The following VOPP1 variants were observed in gnomAD, a reference collection of about 807,000 sequenced individuals.
The protein encoded by VOPP1 is WW domain binding protein VOPP1.
In VOPP1, 8 loss-of-function variants were observed where a neutral mutation model predicts 23.5. The observed-to-expected ratio is 0.34, with a 90% CI of 0.20 to 0.61. The LOEUF (loss-of-function observed/expected upper bound fraction) is 0.61. VOPP1 is among the 20% of genes least tolerant of loss of function. The probability of loss-of-function intolerance (pLI) is 0.78; values close to 1 mark genes in which losing one functional copy is unlikely to be tolerated. For missense variants in VOPP1, 174 were observed against 238.1 expected (o/e 0.73, Z 1.77); for synonymous variants, 83 against 97.3 (o/e 0.85, Z 0.86).
intron 2 of VOPP1, among the ~76,000 whole-genome samples, chr7:55,504,901 C>T (rs1794609184): frequency 6.6e-6 from 1 of 152,220 alleles, no homozygotes. Context: ...CAGCCAAATC[C>T]TAATAAACCT....
intron 1 of VOPP1, among the ~76,000 whole-genome samples, chr7:55,545,466 A>T (rs1178700047): frequency 1.3e-5 from 2 of 152,194 alleles, no homozygotes; most frequent in Non-Finnish European, 2.9e-5. Context: ...GGAGGGAGGC[A>T]CTCAGAGGCG....
At chr7:55,546,823 A>C (rs1158522393) in intron 1 of VOPP1, among the ~76,000 whole-genome samples, 1 of 152,242 alleles carries the variant, frequency 6.6e-6, no homozygotes, top group Non-Finnish European at 1.5e-5. Context: ...GCAGGCCGAG[A>C]GCTCAGGCCA....
chr7:55,451,651 C>T (rs545402598), intron 4 of VOPP1, among the ~76,000 whole-genome samples: 24 of 152,076 alleles, frequency 1.6e-4, no homozygotes, highest in Admixed American at 3.9e-4. Flanking sequence ...ATCAGCTGGG[C>T]GTGCTGGCGG....
At chr7:55,475,149 C>T (rs1470048124) in intron 4 of VOPP1, among the ~76,000 whole-genome samples, 2 of 152,154 alleles carry the variant, frequency 1.3e-5, no homozygotes, top group African/African-American at 2.4e-5. Flanking sequence ...AGGATGGAAA[C>T]GCTTGCGCAT....
At chr7:55,512,904 C>T (rs776692741) in intron 2 of VOPP1, among the ~76,000 whole-genome samples, 81 of 152,346 alleles carry the variant, frequency 5.3e-4, no homozygotes, top group Admixed American at 1.3e-3. Flanking sequence ...CTGGCACCTG[C>T]GCCCCTAGCA....
chr7:55,476,444 G>C (rs956679371), intron 4 of VOPP1, among the ~76,000 whole-genome samples: 5 of 150,444 alleles, frequency 3.3e-5, no homozygotes, highest in African/African-American at 9.7e-5. Flanking sequence ...GGGTGGGCGG[G>C]GGGGCTGGGC....
At chr7:55,522,111 G>A (rs908675344) in intron 1 of VOPP1, among the ~76,000 whole-genome samples, 19 of 152,168 alleles carry the variant, frequency 1.2e-4, no homozygotes, top group South Asian at 2.1e-4. Context: ...CCCCTCCTCC[G>A]GTGGGAGGGT....
intron 4 of VOPP1, among the ~76,000 whole-genome samples, chr7:55,480,908 G>C (rs1174688651): frequency 6.6e-6 from 1 of 152,102 alleles, no homozygotes; most frequent in Admixed American, 6.5e-5. Context: ...GCAGTTTAGA[G>C]AGACAATGAG....
At chr7:55,570,708 G>A (rs1174856342) in intron 1 of VOPP1, among the ~76,000 whole-genome samples, 2 of 152,134 alleles carry the variant, frequency 1.3e-5, no homozygotes, top group African/African-American at 4.8e-5. Flanking sequence ...TTGGGAGGCC[G>A]AGGCGGGCGG....
intron 1 of VOPP1, 86 bp downstream of exon 1, chr7:55,572,185 C>G: frequency 8.5e-7 from 1 of 1,181,382 alleles, no homozygotes; most frequent in Admixed American, 2.5e-5. Flanking sequence ...AGGCAAGGTC[C>G]TCTGGGGCGC....
intron 1 of VOPP1, among the ~76,000 whole-genome samples, chr7:55,560,668 A>C (rs1041394403): frequency 3.9e-5 from 6 of 152,168 alleles, no homozygotes; most frequent in African/African-American, 9.7e-5. Flanking sequence ...GATCGGTTTA[A>C]GCCACCAAGT....
chr7:55,488,163 T>A (rs1793285967), intron 4 of VOPP1, among the ~76,000 whole-genome samples: 1 of 152,214 alleles, frequency 6.6e-6, no homozygotes, highest in South Asian at 2.1e-4. Context: ...TGCTGCTGCA[T>A]CTTGGCTGAC....
intron 4 of VOPP1, among the ~76,000 whole-genome samples, 196 bp from the exon 5 acceptor site, chr7:55,473,241 G>A (rs1275513647): frequency 6.6e-6 from 1 of 152,194 alleles, no homozygotes; most frequent in East Asian, 1.9e-4. Flanking sequence ...TGCCCTCTCG[G>A]GGCTTTGATT....
intron 1 of VOPP1, among the ~76,000 whole-genome samples, chr7:55,557,854 C>T (rs1372773055): frequency 6.6e-6 from 1 of 152,046 alleles, no homozygotes; most frequent in African/African-American, 2.4e-5. Flanking sequence ...AACTCAGGCC[C>T]GGGGCCTCCA....
chr7:55,495,202 G>A (rs974887441), intron 3 of VOPP1, among the ~76,000 whole-genome samples: 3 of 152,040 alleles, frequency 2.0e-5, no homozygotes, highest in Middle Eastern at 3.4e-3. Context: ...GTTCTCACTC[G>A]GGCCCACTGT....
At chr7:55,523,462 C>G (rs923202218) in intron 1 of VOPP1, among the ~76,000 whole-genome samples, 2 of 151,946 alleles carry the variant, frequency 1.3e-5, no homozygotes, top group African/African-American at 2.4e-5. Flanking sequence ...CTTGTCATAC[C>G]CAACTAACAG....
intron 2 of VOPP1, among the ~76,000 whole-genome samples, chr7:55,507,213 G>A (rs117285870): frequency 6.6e-6 from 1 of 152,186 alleles, no homozygotes; most frequent in Non-Finnish European, 1.5e-5. Context: ...GCTCACGTCA[G>A]AACTGTCCAG....
chr7:55,548,861 C>T (rs1352585604), intron 1 of VOPP1, among the ~76,000 whole-genome samples: 2 of 152,226 alleles, frequency 1.3e-5, no homozygotes, highest in Admixed American at 6.5e-5. Context: ...CTATAACAGG[C>T]ATTGCAGGAT....
At chr7:55,495,969 G>T (rs924236626) in intron 3 of VOPP1, among the ~76,000 whole-genome samples, 1 of 152,236 alleles carries the variant, frequency 6.6e-6, no homozygotes, top group Non-Finnish European at 1.5e-5. Flanking sequence ...CCAAGTCGTC[G>T]TGTGCTGCCT....
Sources: allele counts gnomAD v4.1 joint callset (sites outside exome capture counted in the v4.1 genomes callset), GRCh38; gene constraint gnomAD v4.1.1; transcripts MANE v1.5; gene names NCBI Gene and HGNC (gene_info 2026-07-23, HGNC 2026-07-21).